The following COL11A1 variants were observed in gnomAD, a reference collection of about 807,000 sequenced individuals.
The protein encoded by COL11A1 is collagen alpha-1(XI) chain.
COL11A1 carries 74 observed loss-of-function variants against 265.2 expected under a neutral mutation model. The ratio of observed to expected loss-of-function variants is 0.28; its 90% CI spans 0.23 to 0.34. The LOEUF (loss-of-function observed/expected upper bound fraction) is 0.34. COL11A1 is among the 10% of genes least tolerant of loss of function. COL11A1 has a pLI of 1.00. For missense variants in COL11A1, 2,165 were observed against 2,263.6 expected, an observed-to-expected ratio of 0.96 and a Z score of 0.88; for synonymous variants, 816 against 727.6, an observed-to-expected ratio of 1.12 and a Z score of -1.96.
intron 57 of COL11A1, among the ~76,000 whole-genome samples, chr1:102,897,897 T>C (rs1378473483): frequency 6.6e-6 from 1 of 152,038 alleles, no homozygotes; most frequent in Non-Finnish European, 1.5e-5. Context: ...TGGAAATATT[T>C]TTTCATCCAA....
At position 102,934,513 on chromosome 1, in the gene COL11A1, A is replaced by G. The variant is rs1657940316; in HGVS notation, c.3536T>C (p.Phe1179Ser). The G allele has an allele frequency of 6.2e-7, 1 of 1,614,154 alleles. No homozygotes were observed. Among genetic ancestry groups the G allele is most frequent in the Non-Finnish European group, 8.5e-7 (1 of 1,180,010 alleles). The change falls in exon 46 of 67, where the codon TTT becomes TCT. Residue 1179 changes from phenylalanine to serine, a missense_variant. By Grantham distance (155) the Phe-to-Ser change is radical (BLOSUM62 -2). Transcript: ENST00000370096. ...GGCACCCTCATCACCTTTTTGCCCA[A>G]ACATCCCCTGCTGTCCTCTAGGACC... Reference protein sequence around the residue: ...EPGPRGQQGMFGQKGDEGARG... With the variant: ...EPGPRGQQGMSGQKGDEGARG...
chr1:103,030,806 G>T (rs1667922559), intron 5 of COL11A1: 2 of 353,350 alleles, frequency 5.7e-6, no homozygotes, highest in East Asian at 1.4e-4. Context: ...TTATTTAAAT[G>T]CTAATGGTCG....
intron 4 of COL11A1, among the ~76,000 whole-genome samples, chr1:103,050,763 G>C (rs933585461): frequency 1.3e-5 from 2 of 152,058 alleles, no homozygotes; most frequent in African/African-American, 4.8e-5. Context: ...TGATGGTGAC[G>C]TACAGATGGG....
intron 54 of COL11A1, 99 bp downstream of exon 54, chr1:102,912,060 A>C (rs1229480828): frequency 1.0e-6 from 1 of 990,564 alleles, no homozygotes; most frequent in Non-Finnish European, 1.5e-6. Flanking sequence ...ATTTCTCATT[A>C]TTCTTATAAC....
At chr1:103,070,754 T>C (rs923476644) in intron 4 of COL11A1, among the ~76,000 whole-genome samples, 3 of 151,984 alleles carry the variant, frequency 2.0e-5, no homozygotes, top group Non-Finnish European at 4.4e-5. Context: ...AAGAACTAAA[T>C]GCATCTAGAC....
chr1:103,028,641 A>G (rs1667748758), intron 5 of COL11A1, among the ~76,000 whole-genome samples: 1 of 152,188 alleles, frequency 6.6e-6, no homozygotes, highest in African/African-American at 2.4e-5. Flanking sequence ...AAATTAGAGT[A>G]GGTTAGGAGA....
intron 2 of COL11A1, among the ~76,000 whole-genome samples, chr1:103,079,562 G>T (rs1672239969): frequency 6.6e-6 from 1 of 151,898 alleles, no homozygotes; most frequent in African/African-American, 2.4e-5. Context: ...AAATATATCA[G>T]TTAAACAATT....
At chr1:103,019,136 AG>A (rs1666792160) in intron 9 of COL11A1, among the ~76,000 whole-genome samples, 1 of 152,186 alleles carries the variant, frequency 6.6e-6, no homozygotes, top group African/African-American at 2.4e-5. Flanking sequence ...AAGTGCTCCC[AG>A]GAAGAGTACA....
At chr1:102,954,611 G>A (rs989880068) in intron 41 of COL11A1, among the ~76,000 whole-genome samples, 6 of 152,158 alleles carry the variant, frequency 3.9e-5, no homozygotes, top group African/African-American at 1.2e-4. Context: ...TTGGGAGGCC[G>A]AAGCGGGTGG....
chr1:103,057,055 C>T (rs1234052456), intron 4 of COL11A1, among the ~76,000 whole-genome samples: 1 of 152,136 alleles, frequency 6.6e-6, no homozygotes, highest in Admixed American at 6.5e-5. Context: ...CATCAATTGA[C>T]TCTTCCTTTC....
intron 1 of COL11A1, among the ~76,000 whole-genome samples, chr1:103,098,431 T>G (rs1673966095): frequency 6.6e-6 from 1 of 151,906 alleles, no homozygotes; most frequent in Non-Finnish European, 1.5e-5. Flanking sequence ...CTATGAAACT[T>G]TATAAAGCAT....
intron 2 of COL11A1, 83 bp from the exon 3 acceptor site, chr1:103,078,954 T>A (rs1672193539): frequency 2.2e-6 from 2 of 927,344 alleles, no homozygotes; most frequent in Non-Finnish European, 3.4e-6. Flanking sequence ...ATTTTTGAAA[T>A]TTCTACATGG....
At chr1:103,063,044 C>G (rs1670796789) in intron 4 of COL11A1, among the ~76,000 whole-genome samples, 1 of 151,812 alleles carries the variant, frequency 6.6e-6, no homozygotes, top group Admixed American at 6.6e-5. Flanking sequence ...AAGAAAACTA[C>G]AAAACTCTGA....
chr1:102,946,969 A>G lies in COL11A1; in HGVS notation c.3169-13T>C, dbSNP rs182777459. ...CTCCTGGTGAGCCCTAGTATACAGG[A>G]AAAGAAGTATTTTGTTATTAAAGAA... is the stretch of plus-strand genomic sequence containing the variant. On this transcript the variant is annotated splice_polypyrimidine_tract_variant and intron_variant, in intron 41 of 66. Transcript: ENST00000370096. 3.6e-5 allele frequency: 58 copies of G among 1,600,026 alleles called. No individual in the cohort carries two copies. In the East Asian group the frequency reaches 1.2e-3, roughly 34 times the overall value.
intron 4 of COL11A1, among the ~76,000 whole-genome samples, chr1:103,046,633 T>G (rs868190102): frequency 0.01 from 1,576 of 150,966 alleles, 22 homozygotes; most frequent in African/African-American, 0.034. Context: ...GTCAATTTTG[T>G]CTTTTGTTGC....
intron 57 of COL11A1, among the ~76,000 whole-genome samples, chr1:102,894,698 A>T (rs543124327): frequency 1.3e-5 from 2 of 152,170 alleles, no homozygotes; most frequent in South Asian, 4.1e-4. Flanking sequence ...AGTCCCACTT[A>T]AAAAAACAAA....
At chr1:103,042,000 A>G (rs1668848446) in intron 4 of COL11A1, among the ~76,000 whole-genome samples, 2 of 152,026 alleles carry the variant, frequency 1.3e-5, no homozygotes, top group African/African-American at 4.8e-5. Context: ...GTGTATTATA[A>G]CAAGTTAATA....
chr1:103,058,676 TAGAG>T (rs979430088), intron 4 of COL11A1, among the ~76,000 whole-genome samples: 1 of 152,106 alleles, frequency 6.6e-6, no homozygotes, highest in East Asian at 1.9e-4. Flanking sequence ...TCTCAGGCAA[TAGAG>T]AGCCTCAAGG....
At chr1:103,095,764 A>G (rs1193749280) in intron 1 of COL11A1, among the ~76,000 whole-genome samples, 1 of 151,912 alleles carries the variant, frequency 6.6e-6, no homozygotes, top group African/African-American at 2.4e-5. Flanking sequence ...TTGGATAGAG[A>G]GCATGGAAAG....
Sources: gnomAD v4.1 joint callset for allele counts (sites outside exome capture counted in the v4.1 genomes callset) on GRCh38, gnomAD v4.1.1 for gene constraint, MANE v1.5 for transcripts, NCBI Gene and HGNC (gene_info 2026-07-23, HGNC 2026-07-21) for gene names.